PCNT: variants seen among roughly 807,000 people sequenced by gnomAD.
The protein encoded by PCNT is kendrin.
A neutral mutation model predicts 380.4 loss-of-function variants in PCNT; 319 were observed. The ratio of observed to expected loss-of-function variants is 0.84; its 90% confidence interval spans 0.77 to 0.92. The LOEUF is 0.92. Ranked by LOEUF, PCNT falls within the 40% of genes least tolerant of loss-of-function variation. The pLI is 0.00. For missense variants in PCNT, 4,400 were observed against 4,255.3 expected (o/e 1.03, Z -0.95); for synonymous variants, 1,845 against 1,735.2 (o/e 1.06, Z -1.57).
chr21:46,337,394 CCTT>C (rs1000841516), intron 3 of PCNT, among the ~76,000 whole-genome samples: 4 of 152,200 alleles, frequency 2.6e-5, no homozygotes, highest in Non-Finnish European at 5.9e-5. Flanking sequence ...GTTTACAGCT[CCTT>C]TGTCTCCATT....
chr21:46,402,829 T>C (rs2086473484), intron 27 of PCNT, among the ~76,000 whole-genome samples: 2 of 152,252 alleles, frequency 1.3e-5, no homozygotes, highest in African/African-American at 2.4e-5. Flanking sequence ...CTCAAGGAGG[T>C]GACTTGAGTA....
intron 41 of PCNT, among the ~76,000 whole-genome samples, chr21:46,439,324 T>G (rs2053546931): frequency 6.6e-6 from 1 of 152,080 alleles, no homozygotes; most frequent in Admixed American, 6.6e-5. Context: ...CCTCCTAAAC[T>G]GGCTTTTTTC....
In PCNT at chr21:46,442,484, CT is replaced by C. The variant is rs762854621; in HGVS notation, c.9624-5del. 6.0e-5 allele frequency: 94 copies of C among 1,560,832 alleles called. No individual in the cohort carries two copies. Among genetic ancestry groups the C allele is most frequent in the Non-Finnish European group, 7.8e-5 (88 of 1,132,188 alleles). ...CCGTACTTTTAAGTGTGTCTTGTCTCTTTTTTTTGTAGATTACGTTTTTTGG... is the reference window on the plus strand; with the variant it reads ...CCGTACTTTTAAGTGTGTCTTGTCTCTTTTTTTGTAGATTACGTTTTTTGG... On this transcript the variant is annotated splice_polypyrimidine_tract_variant and intron_variant, in intron 43 of 46. Transcript: ENST00000359568.
rs79407815 is a variant in PCNT at position 46,397,649 on chromosome 21, G to T, written c.4446+155G>T. On this transcript the variant is annotated intron_variant, in intron 22 of 46. Coordinates refer to ENST00000359568, the MANE Select transcript of PCNT (RefSeq NM_006031.6). Reference sequence around the variant, plus strand: ...GGTGCACCCAGGTCGCTGACTCTTGGTGGGTGTCTTCTTGCCCACATGTTG... The same window carrying T: ...GGTGCACCCAGGTCGCTGACTCTTGTTGGGTGTCTTCTTGCCCACATGTTG... 0.046 allele frequency among the ~76,000 whole-genome samples: 7,080 copies of T among 152,266 alleles called. 215 individuals are homozygous for T. The highest frequency in any genetic ancestry group is 0.063 in the Non-Finnish European group (4,260 of 68,020).
Position 46,334,685 on chromosome 21 carries a change from A to T in PCNT, c.556A>T (p.Thr186Ser). 6.2e-7 allele frequency: 1 copy of T among 1,611,612 alleles called. No individual in the cohort carries two copies. The highest frequency in any genetic ancestry group is 8.5e-7 in the Non-Finnish European group (1 of 1,178,954). Residue 186 changes from threonine (T) to serine (S), a missense_variant, in exon 3 of 47, where the codon ACA (threonine) becomes TCA (serine). Coordinates refer to ENST00000359568, the MANE Select transcript of PCNT (RefSeq NM_006031.6). ...DHQPEQRGMF[T>S]VSDHTPEQRG... ...CCAACCGGAACAGCGTGGGATGTTCACAGTCAGTGACCACACACCAGAACA... is the reference window on the plus strand; with the variant it reads ...CCAACCGGAACAGCGTGGGATGTTCTCAGTCAGTGACCACACACCAGAACA...
chr21:46,383,633 C>T (rs182815095), intron 16 of PCNT, among the ~76,000 whole-genome samples: 14 of 142,956 alleles, frequency 9.8e-5, no homozygotes, highest in African/African-American at 2.6e-4. Flanking sequence ...GTGGCAGAAG[C>T]GCATTCACGG....
chr21:46,330,148 TG>T (rs1405070498), intron 2 of PCNT, among the ~76,000 whole-genome samples: 1 of 152,130 alleles, frequency 6.6e-6, no homozygotes, highest in Non-Finnish European at 1.5e-5. Context: ...GATAGGGTCT[TG>T]TTTTCTTGAC....
rs777752506 is a variant in PCNT, at chr21:46,363,451, C to T, written c.2155-29C>T. Reference sequence around the variant, plus strand: ...AATAATCTCTTCCATTAGCGTCTTTCCTCCTAAATGAAATTATGTTGTCTG... The same window carrying T: ...AATAATCTCTTCCATTAGCGTCTTTTCTCCTAAATGAAATTATGTTGTCTG... On this transcript the variant is annotated intron_variant, in intron 13 of 46. Transcript: ENST00000359568. 9.6e-6 allele frequency: 15 copies of T among 1,569,478 alleles called. 1 individual carries two copies. Among genetic ancestry groups the T allele is most frequent in the African/African-American group, 9.5e-5 (7 of 73,988 alleles).
chr21:46,349,916 A>C, intron 8 of PCNT, 96 bp downstream of exon 8: 1 of 1,209,578 alleles, frequency 8.3e-7, no homozygotes, highest in African/African-American at 1.5e-5. Context: ...ATTTGCTAAA[A>C]CTTAAGTTCT....
intron 39 of PCNT, among the ~76,000 whole-genome samples, chr21:46,436,520 T>C (rs2053459674): frequency 9.6e-6 from 1 of 103,678 alleles, no homozygotes; most frequent in African/African-American, 3.7e-5. Flanking sequence ...TCAAGGCCAC[T>C]CACACCCAGG....
intron 15 of PCNT, among the ~76,000 whole-genome samples, chr21:46,370,864 T>C (rs2085098787): frequency 6.6e-6 from 1 of 152,102 alleles, no homozygotes; most frequent in African/African-American, 2.4e-5. Flanking sequence ...TGGAACCCCG[T>C]TTCTACTAAA....
intron 25 of PCNT, among the ~76,000 whole-genome samples, chr21:46,400,841 G>C (rs2086400246): frequency 6.6e-6 from 1 of 152,158 alleles, no homozygotes. Context: ...ATTCTCGTAA[G>C]TGCTGATGAG....
intron 2 of PCNT, among the ~76,000 whole-genome samples, chr21:46,327,805 G>T (rs1232458106): frequency 6.6e-6 from 1 of 152,214 alleles, no homozygotes; most frequent in African/African-American, 2.4e-5. Context: ...GAGGGAAGGG[G>T]TGAAGGTGTT....
At chr21:46,391,120 C>G in intron 20 of PCNT, 44 bp from the exon 21 acceptor site, 2 of 1,515,818 alleles carry the variant, frequency 1.3e-6, no homozygotes, top group Non-Finnish European at 1.8e-6. Flanking sequence ...TCCTCAGTTA[C>G]ACCCAGGACT....
chr21:46,346,592 G>A (rs1011355933), intron 4 of PCNT, 151 bp from the exon 5 acceptor site: 24 of 948,376 alleles, frequency 2.5e-5, no homozygotes, highest in African/African-American at 9.7e-5. Flanking sequence ...AGTGGCATCC[G>A]GGCCTCTGTG....
Position 46,346,101 on chromosome 21 carries a change from C to T in PCNT, c.640-27C>T, listed in dbSNP as rs780661500. 2.5e-6 allele frequency: 4 copies of T among 1,604,934 alleles called. No homozygotes were observed. The East Asian group carries it at 8.9e-5, about 36-fold the overall frequency. ...TGTGGCTTCTCATGTGAATTCTGGA[C>T]CTACATTCTTTGCCTTTTTTCCCCA... On this transcript the variant is annotated intron_variant, in intron 3 of 46. Coordinates refer to ENST00000359568, the MANE Select transcript of PCNT (RefSeq NM_006031.6).
chr21:46,370,357 G>T (rs767953107), intron 15 of PCNT, among the ~76,000 whole-genome samples: 23 of 152,046 alleles, frequency 1.5e-4, no homozygotes, highest in Non-Finnish European at 2.9e-4. Flanking sequence ...GCAGCTGGAC[G>T]AAACACAAAG....
At chr21:46,333,539 G>T (rs1330108344) in intron 2 of PCNT, among the ~76,000 whole-genome samples, 1 of 152,090 alleles carries the variant, frequency 6.6e-6, no homozygotes, top group South Asian at 2.1e-4. Context: ...CCCGGAGGCG[G>T]AGGTTGCAGT....
intron 2 of PCNT, among the ~76,000 whole-genome samples, chr21:46,333,929 A>G (rs539187696): frequency 8.8e-5 from 13 of 148,034 alleles, no homozygotes; most frequent in Non-Finnish European, 1.8e-4. Flanking sequence ...AGAGCTGGCC[A>G]GGTGTGGTGG....
Sources: allele counts gnomAD v4.1 joint callset (sites outside exome capture counted in the v4.1 genomes callset), GRCh38; gene constraint gnomAD v4.1.1; transcripts MANE v1.5; gene names NCBI Gene and HGNC (gene_info 2026-07-23, HGNC 2026-07-21).